The following CDH8 variants were observed in gnomAD, a reference collection of about 807,000 sequenced individuals.
CDH8 encodes cadherin 8.
Under a neutral mutation model 68.1 loss-of-function variants are expected in CDH8, and 17 were observed. The observed-to-expected ratio is 0.25, with a 90% CI of 0.17 to 0.37. The LOEUF (loss-of-function observed/expected upper bound fraction) is 0.37. Ranked by LOEUF, CDH8 falls within the 10% of genes least tolerant of loss-of-function variation. CDH8 has a pLI of 1.00. For missense variants in CDH8, 763 were observed against 999.3 expected (o/e 0.76, Z 3.19); for synonymous variants, 372 against 365.1 (o/e 1.02, Z -0.21).
chr16:61,791,821 C>T (rs1027591123), intron 7 of CDH8, among the ~76,000 whole-genome samples: 39 of 152,148 alleles, frequency 2.6e-4, no homozygotes, highest in African/African-American at 7.7e-4. Context: ...TCATGCAGAA[C>T]TCAAATTTAG....
At chr16:61,946,487 A>C (rs1050091395) in intron 2 of CDH8, among the ~76,000 whole-genome samples, 2 of 152,216 alleles carry the variant, frequency 1.3e-5, no homozygotes, top group African/African-American at 4.8e-5. Flanking sequence ...GGAAAATTAA[A>C]GGAGATAAAT....
At chr16:61,836,236 T>C (rs952440333) in intron 4 of CDH8, among the ~76,000 whole-genome samples, 21 of 151,766 alleles carry the variant, frequency 1.4e-4, no homozygotes, top group Non-Finnish European at 7.4e-5. Flanking sequence ...GCAATACAAG[T>C]AGTGTTTTAG....
At chr16:61,890,469 T>A (rs1963755597) in intron 3 of CDH8, among the ~76,000 whole-genome samples, 1 of 152,106 alleles carries the variant, frequency 6.6e-6, no homozygotes, top group Non-Finnish European at 1.5e-5. Context: ...TCTTAATAAA[T>A]CTGAAACACC....
At chr16:61,878,598 G>A (rs571528176) in intron 3 of CDH8, among the ~76,000 whole-genome samples, 29 of 152,266 alleles carry the variant, frequency 1.9e-4, no homozygotes, top group African/African-American at 6.5e-4. Flanking sequence ...GTCCGTAGTA[G>A]GAGTAATGAT....
At chr16:61,694,623 G>A (rs1185723205) in intron 10 of CDH8, among the ~76,000 whole-genome samples, 3 of 152,146 alleles carry the variant, frequency 2.0e-5, no homozygotes, top group Non-Finnish European at 4.4e-5. Context: ...AAGATAGGGT[G>A]ATGGGATATA....
chr16:61,843,635 A>G (rs953399759), intron 4 of CDH8, among the ~76,000 whole-genome samples: 2 of 152,162 alleles, frequency 1.3e-5, no homozygotes. Flanking sequence ...AGAAACAGTG[A>G]CCACTCAGAG....
At chr16:61,718,925 G>A (rs1051851164) in intron 9 of CDH8, among the ~76,000 whole-genome samples, 8 of 150,868 alleles carry the variant, frequency 5.3e-5, no homozygotes, top group Non-Finnish European at 1.0e-4. Flanking sequence ...ATTGAAAGGG[G>A]GGAATATAGG....
At chr16:61,818,974 G>T (rs1022708864) in intron 6 of CDH8, among the ~76,000 whole-genome samples, 1 of 147,490 alleles carries the variant, frequency 6.8e-6, no homozygotes, top group Admixed American at 6.8e-5. Flanking sequence ...AGTAAACCAG[G>T]CAGGCACTCA....
intron 3 of CDH8, among the ~76,000 whole-genome samples, chr16:61,865,181 G>A (rs933645570): frequency 6.6e-6 from 1 of 152,110 alleles, no homozygotes; most frequent in Non-Finnish European, 1.5e-5. Flanking sequence ...TCAGGCGGAT[G>A]GACAGCACCG....
intron 10 of CDH8, among the ~76,000 whole-genome samples, chr16:61,702,098 C>T (rs932905970): frequency 2.6e-5 from 4 of 152,252 alleles, no homozygotes; most frequent in African/African-American, 9.6e-5. Flanking sequence ...CTTGGCCAGG[C>T]GCGGTGGCTC....
intron 2 of CDH8, among the ~76,000 whole-genome samples, chr16:61,913,242 G>T (rs1964188252): frequency 6.6e-6 from 1 of 152,038 alleles, no homozygotes; most frequent in African/African-American, 2.4e-5. Context: ...TAATAATTTT[G>T]TGCACCAGTC....
chr16:61,745,557 T>A (rs1414370111), intron 8 of CDH8, among the ~76,000 whole-genome samples: 1 of 151,704 alleles, frequency 6.6e-6, no homozygotes, highest in East Asian at 1.9e-4. Context: ...TTGTTTTCTT[T>A]CTGTGATTCT....
chr16:61,831,078 A>T (rs538201581), intron 4 of CDH8, among the ~76,000 whole-genome samples: 21 of 151,906 alleles, frequency 1.4e-4, no homozygotes, highest in African/African-American at 5.1e-4. Context: ...CACACTTGGT[A>T]TTCAGGGGTA....
chr16:61,787,261 C>A (rs1335239233), intron 8 of CDH8, among the ~76,000 whole-genome samples: 1 of 148,244 alleles, frequency 6.7e-6, no homozygotes, highest in Admixed American at 6.7e-5. Context: ...ACAAACAACC[C>A]CATCAAAAAG....
intron 2 of CDH8, among the ~76,000 whole-genome samples, chr16:61,985,918 C>CTTTT (rs71134380): frequency 1.8e-4 from 16 of 91,104 alleles, no homozygotes; most frequent in East Asian, 3.4e-4. Context: ...CCTTTCTTTA[C>CTTTT]TTTTTTTTTT....
chr16:61,914,263 T>C (rs1964203282), intron 2 of CDH8, among the ~76,000 whole-genome samples: 1 of 152,202 alleles, frequency 6.6e-6, no homozygotes, highest in Non-Finnish European at 1.5e-5. Flanking sequence ...TGTGGCATTT[T>C]GGTAATGCAG....
chr16:61,666,495 A>C (rs1337320075), intron 10 of CDH8, among the ~76,000 whole-genome samples: 3 of 151,968 alleles, frequency 2.0e-5, no homozygotes, highest in African/African-American at 7.2e-5. Context: ...GATCCTATTT[A>C]TTTAAAATTA....
chr16:61,957,190 T>TAC (rs1043132213), intron 2 of CDH8, among the ~76,000 whole-genome samples: 1 of 152,074 alleles, frequency 6.6e-6, no homozygotes, highest in African/African-American at 2.4e-5. Context: ...GACATGCAGA[T>TAC]ACACACACAT....
intron 2 of CDH8, among the ~76,000 whole-genome samples, chr16:61,904,065 T>C (rs1964025525): frequency 6.6e-6 from 1 of 152,144 alleles, no homozygotes; most frequent in Non-Finnish European, 1.5e-5. Context: ...GAACACAATA[T>C]ATGTATGTTC....
Sources: gnomAD v4.1 joint callset for allele counts (sites outside exome capture counted in the v4.1 genomes callset) on GRCh38, gnomAD v4.1.1 for gene constraint, MANE v1.5 for transcripts, NCBI Gene and HGNC (gene_info 2026-07-23, HGNC 2026-07-21) for gene names.